Variants in PAH observed in about 807,000 individuals in gnomAD.
The protein encoded by PAH is phenylalanine hydroxylase.
A neutral mutation model predicts 62.0 loss-of-function variants in PAH; 64 were observed. The observed-to-expected ratio is 1.03, with a 90% CI of 0.84 to 1.27. The LOEUF is 1.27. Among genes scored for constraint, PAH ranks in the 50% most tolerant of loss-of-function variants. The pLI, the probability that PAH is intolerant of heterozygous loss-of-function variation, is 0.00. For synonymous variants in PAH, 195 were observed against 196.2 expected (o/e 0.99, Z 0.05); for missense variants, 579 against 542.8 (o/e 1.07, Z -0.66).
upstream of PAH, among the ~76,000 whole-genome samples, chr12:102,954,185 A>G (rs916738813): frequency 6.6e-6 from 1 of 152,212 alleles, no homozygotes; most frequent in African/African-American, 2.4e-5. Context: ...TCTATAGTCT[A>G]TCTTACTTGC....
intron 2 of PAH, among the ~76,000 whole-genome samples, chr12:102,903,435 C>T (rs572818889): frequency 1.4e-4 from 21 of 151,596 alleles, no homozygotes; most frequent in Middle Eastern, 3.4e-3. Context: ...ATAATCACAA[C>T]TCATATGCTA....
At chr12:102,923,324 A>G (rs1025484729) in intron 1 of PAH, among the ~76,000 whole-genome samples, 1 of 152,232 alleles carries the variant, frequency 6.6e-6, no homozygotes, top group Non-Finnish European at 1.5e-5. Flanking sequence ...AGTTCTGGAC[A>G]GGGACTTGAC....
upstream of PAH, chr12:102,958,433 G>T (rs376318467): frequency 6.4e-7 from 1 of 1,551,334 alleles, no homozygotes; most frequent in Non-Finnish European, 8.7e-7. Flanking sequence ...AGCAGCAGGC[G>T]CCGCAGCTGA....
rs149538764 is a variant in PAH at position 102,866,681 on chromosome 12, C to T, written c.442-18G>A. ...TTAAAACCCTAGGAGAAAAGAGACA[C>T]CTGATTTTTCAAGGCTTCATAGGAA... On this transcript the variant is annotated intron_variant, in intron 4 of 12. Transcript: ENST00000553106. The T allele has an allele frequency of 1.3e-4, 211 of 1,607,600 alleles. 2 individuals are homozygous for T. The Middle Eastern group carries it at 4.8e-3, about 37-fold the overall frequency.
chr12:102,917,532 G>C, upstream of PAH: 1 of 307,182 alleles, frequency 3.3e-6, no homozygotes. Context: ...CGAGTTCTCT[G>C]CAATTGGACT....
At chr12:102,859,123 TA>T (rs1230192148) in intron 5 of PAH, among the ~76,000 whole-genome samples, 15 of 151,614 alleles carry the variant, frequency 9.9e-5, no homozygotes, top group African/African-American at 3.4e-4. Flanking sequence ...ATAGACACAA[TA>T]AAAAATGATA....
chr12:102,899,928 A>G (rs1592981959), intron 2 of PAH, among the ~76,000 whole-genome samples: 1 of 149,792 alleles, frequency 6.7e-6, no homozygotes, highest in Middle Eastern at 3.4e-3. Context: ...AAAACGTGTC[A>G]GTAAGCACTT....
intron 6 of PAH, 121 bp downstream of exon 6, chr12:102,855,015 T>A: frequency 1.2e-6 from 1 of 817,122 alleles, no homozygotes; most frequent in South Asian, 1.4e-5. Flanking sequence ...TCAACCTGCA[T>A]GCATTCCTAC....
At chr12:102,884,293 G>T (rs1432029074) in intron 3 of PAH, among the ~76,000 whole-genome samples, 1 of 152,218 alleles carries the variant, frequency 6.6e-6, no homozygotes, top group African/African-American at 2.4e-5. Flanking sequence ...GGGACTGGGG[G>T]TCGATCCCTG....
chr12:102,889,121 T>C (rs955188923), intron 3 of PAH, among the ~76,000 whole-genome samples: 3 of 152,156 alleles, frequency 2.0e-5, no homozygotes, highest in Non-Finnish European at 2.9e-5. Context: ...TTGGGAACCA[T>C]AGCCCCTTTG....
At position 102,930,961 on chromosome 12, in the gene PAH, A is replaced by G. The variant is rs559012852; in HGVS notation, c.-95-13736T>C. 3.9e-5 allele frequency among the ~76,000 whole-genome samples: 6 copies of G among 152,260 alleles called. No individual in the cohort carries two copies. In the East Asian group the frequency reaches 1.2e-3, roughly 29 times the overall value. On this transcript the variant is annotated intron_variant, in intron 1 of 3. Transcript: ENST00000546844. ...TAAAAAAACAAATTTCAATCATGTT[A>G]TAGAAAAAATAAATTATCTGTTTAT...
At chr12:102,946,212 G>A (rs1400756220) in intron 1 of PAH, among the ~76,000 whole-genome samples, 1 of 152,198 alleles carries the variant, frequency 6.6e-6, no homozygotes, top group African/African-American at 2.4e-5. Flanking sequence ...TGTGAGCTGT[G>A]CTGCCAGAGG....
intron 8 of PAH, 98 bp from the exon 9 acceptor site, chr12:102,847,049 G>A (rs1448149342): frequency 5.3e-6 from 5 of 935,314 alleles, no homozygotes; most frequent in Non-Finnish European, 8.8e-6. Context: ...GTGGCCAGAT[G>A]CCTTCAGAAC....
At chr12:102,862,022 A>G (rs1336570813) in intron 5 of PAH, among the ~76,000 whole-genome samples, 4 of 152,086 alleles carry the variant, frequency 2.6e-5, no homozygotes, top group African/African-American at 9.7e-5. Context: ...AAAAACAGAA[A>G]TACCATTTGA....
intron 1 of PAH, among the ~76,000 whole-genome samples, chr12:102,939,710 C>T (rs1173889776): frequency 1.3e-5 from 2 of 152,222 alleles, no homozygotes; most frequent in East Asian, 1.9e-4. Flanking sequence ...CCACCCCACC[C>T]GTAGGTGATG....
At chr12:102,914,698 CTT>C (rs1288281901) in intron 1 of PAH, 1 of 152,226 alleles carries the variant, frequency 6.6e-6, no homozygotes, top group East Asian at 1.9e-4. Context: ...TGGTAGCACT[CTT>C]TTCTCCTGTT....
intron 3 of PAH, among the ~76,000 whole-genome samples, chr12:102,884,247 C>T (rs561245588): frequency 2.0e-5 from 3 of 152,330 alleles, no homozygotes; most frequent in African/African-American, 7.2e-5. Context: ...GCCTGAGGAA[C>T]AAGACCAGGG....
chr12:102,851,705 G>A lies in PAH; in HGVS notation c.894C>T (p.Ser298=), dbSNP rs765823928. Residue 298 remains serine (S), a synonymous_variant, in exon 8 of 13, where the codon AGC becomes AGT. Transcript: ENST00000553106. ...TCCTTACCTGGGAAAACTGGGCAAA[G>A]CTGCGATCTGAAAACAAGGGCACAT... The part of the protein sequence containing the change: ...LGHVPLFSDR[S]FAQFSQEIGL... The A allele has an allele frequency of 1.1e-5, 17 of 1,613,990 alleles. No homozygotes were observed. In the East Asian group the frequency reaches 3.6e-4, roughly 34 times the overall value.
chr12:102,946,783 A>G (rs1002998268), intron 1 of PAH: 2 of 152,212 alleles, frequency 1.3e-5, no homozygotes, highest in African/African-American at 4.8e-5. Flanking sequence ...TTGTGTGGAT[A>G]GTCACACAAT....
Sources: allele counts gnomAD v4.1 joint callset (sites outside exome capture counted in the v4.1 genomes callset), GRCh38; gene constraint gnomAD v4.1.1; transcripts MANE v1.5; gene names NCBI Gene and HGNC (gene_info 2026-07-23, HGNC 2026-07-21).